The following OSBPL11 variants were observed in gnomAD, a reference collection of about 807,000 sequenced individuals.
OSBPL11 encodes the protein oxysterol-binding protein-related protein 11.
In OSBPL11, 33 loss-of-function variants were observed where a neutral mutation model predicts 84.4. That is an observed-to-expected ratio of 0.39 (90% CI 0.30 to 0.52). The LOEUF is 0.52. Among genes scored for constraint, OSBPL11 ranks in the 20% least tolerant of loss-of-function variants. The probability of loss-of-function intolerance (pLI) is 0.72; values close to 1 mark genes in which losing one functional copy is unlikely to be tolerated. For synonymous variants in OSBPL11, 276 were observed against 310.2 expected, an observed-to-expected ratio of 0.89 and a Z score of 1.16; for missense variants, 736 against 901.1, an observed-to-expected ratio of 0.82 and a Z score of 2.35.
intron 9 of OSBPL11, among the ~76,000 whole-genome samples, chr3:125,550,935 G>C (rs1321987200): frequency 6.6e-6 from 1 of 152,048 alleles, no homozygotes; most frequent in East Asian, 1.9e-4. Context: ...GGAGGCCAAA[G>C]GATCACTTGA....
At chr3:125,541,159 C>G (rs756425423) in intron 10 of OSBPL11, among the ~76,000 whole-genome samples, 16 of 152,176 alleles carry the variant, frequency 1.1e-4, no homozygotes, top group Non-Finnish European at 2.1e-4. Flanking sequence ...CTCTTTACTT[C>G]CATTGTATGT....
At chr3:125,545,220 G>C (rs1309190706) in intron 10 of OSBPL11, among the ~76,000 whole-genome samples, 1 of 152,196 alleles carries the variant, frequency 6.6e-6, no homozygotes, top group Non-Finnish European at 1.5e-5. Context: ...AAGGACACAT[G>C]CAACAAATCC....
chr3:125,576,576 T>C (rs1337155006), intron 4 of OSBPL11, among the ~76,000 whole-genome samples: 1 of 152,250 alleles, frequency 6.6e-6, no homozygotes, highest in African/African-American at 2.4e-5. Flanking sequence ...GGTAATTTAT[T>C]TAGAAAATTA....
At position 125,528,906 on chromosome 3, in the gene OSBPL11, C is replaced by G. The variant is rs1265562396; in HGVS notation, c.*1609G>C. On this transcript the variant is annotated 3_prime_UTR_variant, in exon 13 of 13. Transcript: ENST00000296220. The stretch of plus-strand genomic sequence containing the variant: ...TTTGTCAATTTTCCCAACACAGGAA[C>G]TATAACTCATTTTGAGGATTTTTTT... 6.6e-6 allele frequency: 1 copy of G among 152,596 alleles called. No individual in the cohort carries two copies. The highest frequency in any genetic ancestry group is 1.5e-5 in the Non-Finnish European group (1 of 68,032). 9.5% of individuals were successfully genotyped at this position (152,596 alleles called of 1,614,324 possible).
chr3:125,586,060 G>A lies in OSBPL11; in HGVS notation c.165-3082C>T, dbSNP rs541849307. 2.6e-5 allele frequency among the ~76,000 whole-genome samples: 4 copies of A among 152,196 alleles called. No individual in the cohort carries two copies. In the South Asian group the frequency reaches 8.3e-4, roughly 32 times the overall value. On this transcript the variant is annotated intron_variant, in intron 1 of 12. Coordinates refer to ENST00000296220, the MANE Select transcript of OSBPL11 (RefSeq NM_022776.5). ...GAGACCAGCCTGGGCAACATAGGGA[G>A]ACCCACCCCATCTCTAAAAACAGTA...
intron 8 of OSBPL11, among the ~76,000 whole-genome samples, chr3:125,558,329 T>C (rs1251949946): frequency 6.6e-6 from 1 of 152,194 alleles, no homozygotes; most frequent in African/African-American, 2.4e-5. Context: ...AGACTATTCA[T>C]TTTTAACCAA....
At chr3:125,550,356 C>T (rs947568900) in intron 9 of OSBPL11, among the ~76,000 whole-genome samples, 1 of 147,316 alleles carries the variant, frequency 6.8e-6, no homozygotes, top group African/African-American at 2.5e-5. Flanking sequence ...ACCTGGGCGA[C>T]ACAGCTAGAC....
At chr3:125,587,000 T>C (rs1408014452) in intron 1 of OSBPL11, among the ~76,000 whole-genome samples, 1 of 152,022 alleles carries the variant, frequency 6.6e-6, no homozygotes, top group Non-Finnish European at 1.5e-5. Flanking sequence ...AACTAATAAC[T>C]CTCCATCTCA....
At chr3:125,532,136 T>G (rs1416927935) in intron 11 of OSBPL11, 122 bp from the exon 12 acceptor site, 8 of 996,522 alleles carry the variant, frequency 8.0e-6, no homozygotes, top group Admixed American at 3.2e-5. Flanking sequence ...ATCTACAATG[T>G]CATGCTTATG....
intron 9 of OSBPL11, among the ~76,000 whole-genome samples, chr3:125,549,739 G>A (rs1274184851): frequency 6.6e-6 from 1 of 151,812 alleles, no homozygotes; most frequent in Non-Finnish European, 1.5e-5. Context: ...CTTCCACCTC[G>A]GCCCACCAAA....
chr3:125,552,123 A>G, intron 9 of OSBPL11, 58 bp downstream of exon 9: 1 of 931,206 alleles, frequency 1.1e-6, no homozygotes. Context: ...AAAAAAATAC[A>G]TATATATATG....
rs1936657936 is a variant in OSBPL11, at chr3:125,594,889, T to A, written c.-89A>T. 20 of 1,415,360 alleles carry A rather than the reference T, an allele frequency of 1.4e-5. 1 individual carries two copies. In the South Asian group the frequency reaches 2.8e-4, roughly 20 times the overall value. The allele number at this position is 1,415,360 out of a possible 1,614,324, so 87.7% of individuals were successfully genotyped here. ...GACTTTTTTTTTTTAAGATTTGATC[T>A]GAATATGATACCGGTTGCTAAATCA... On this transcript the variant is annotated 5_prime_UTR_variant, in exon 1 of 13. Transcript: ENST00000296220.
rs556920570 is a variant in OSBPL11, at chr3:125,559,625, G to A, written c.1155+754C>T. 4.0e-4 allele frequency among the ~76,000 whole-genome samples: 61 copies of A among 152,068 alleles called. No individual in the cohort carries two copies. The East Asian group carries it at 9.5e-3, about 24-fold the overall frequency. ...CCAAACTCCTGACCTCAAGTGATCC[G>A]CCCACCTCAGCCATCTCCTGAGACA... On this transcript the variant is annotated intron_variant, in intron 8 of 12. Transcript: ENST00000296220.
At chr3:125,554,778 C>A (rs988072783) in intron 8 of OSBPL11, among the ~76,000 whole-genome samples, 5 of 151,298 alleles carry the variant, frequency 3.3e-5, no homozygotes, top group African/African-American at 1.2e-4. Context: ...AGATAAAAGG[C>A]GAGGAAATCT....
rs35801148 is a variant in OSBPL11, at chr3:125,542,509, ATT to A, written c.1842-3878_1842-3877del. The stretch of plus-strand genomic sequence containing the variant: ...TGCCACCATGTCCTGCTAATTTTGT[ATT>A]TTTTTTTTTTTTTTTGAGACGTAGC... On this transcript the variant is annotated intron_variant, in intron 10 of 12. Transcript: ENST00000296220. Among the ~76,000 whole-genome samples, 39 of 119,808 alleles carry A rather than the reference ATT, an allele frequency of 3.3e-4. No homozygotes were observed. The Middle Eastern group carries it at 0.013, about 39-fold the overall frequency. The allele number at this position is 119,808 out of a possible 152,430, so 78.6% of individuals were successfully genotyped here.
Position 125,576,320 on chromosome 3 carries a change from T to C in OSBPL11, c.535A>G (p.Ser179Gly), listed in dbSNP as rs779765261. 1.0e-5 allele frequency: 16 copies of C among 1,605,700 alleles called. No individual in the cohort carries two copies. The East Asian group carries it at 2.9e-4, about 29-fold the overall frequency. The change falls in exon 5 of 13, where the codon AGT becomes GGT. Residue 179 changes from serine (S) to glycine (G), a missense_variant. By Grantham distance (56) the Ser-to-Gly change is moderately conservative (BLOSUM62 0). Around this residue, in one of 3 missense-constraint regions of OSBPL11, gnomAD observed 579 missense variants for 717.6 expected, o/e 0.81. Coordinates refer to ENST00000296220, the MANE Select transcript of OSBPL11 (RefSeq NM_022776.5). The part of the protein sequence containing the change: ...KSRSFSLASS[S>G]NSPISQRRPS... ...CTCCTCTGCGATATAGGAGAATTAC[T>C]ACTAGATGCAAGTGAGAAGCTCCGT...
chr3:125,546,229 A>G (rs1310614517), intron 10 of OSBPL11, among the ~76,000 whole-genome samples: 1 of 149,570 alleles, frequency 6.7e-6, no homozygotes, highest in Non-Finnish European at 1.5e-5. Context: ...GCTGGAGCAC[A>G]GTGGCACAAT....
intron 5 of OSBPL11, among the ~76,000 whole-genome samples, chr3:125,569,023 C>T (rs1407328840): frequency 6.6e-6 from 1 of 152,150 alleles, no homozygotes; most frequent in Non-Finnish European, 1.5e-5. Flanking sequence ...TCACGGCTCA[C>T]TGTAGCCTTG....
At chr3:125,591,697 A>C (rs1936596876) in intron 1 of OSBPL11, among the ~76,000 whole-genome samples, 1 of 152,200 alleles carries the variant, frequency 6.6e-6, no homozygotes, top group African/African-American at 2.4e-5. Context: ...TGAAATAATA[A>C]ATGCTGCTAA....
Sources: gnomAD v4.1 joint callset for allele counts (sites outside exome capture counted in the v4.1 genomes callset) on GRCh38, gnomAD v4.1.1 for gene constraint, gnomAD v4.1.1 regional missense constraint, MANE v1.5 for transcripts, NCBI Gene and HGNC (gene_info 2026-07-23, HGNC 2026-07-21) for gene names.